The following NOSTRIN variants were observed in gnomAD, a reference collection of about 807,000 sequenced individuals.
NOSTRIN encodes the protein BM247 homolog.
A neutral mutation model predicts 59.0 loss-of-function variants in NOSTRIN; 63 were observed. The ratio of observed to expected loss-of-function variants is 1.07; its 90% CI spans 0.87 to 1.32. The LOEUF is 1.32. Ranked by LOEUF, NOSTRIN falls within the 40% of genes most tolerant of loss-of-function variation. NOSTRIN has a pLI of 0.00. For synonymous variants in NOSTRIN, 200 were observed against 165.4 expected, an observed-to-expected ratio of 1.21 and a Z score of -1.61; for missense variants, 512 against 473.1, an observed-to-expected ratio of 1.08 and a Z score of -0.76.
At chr2:168,792,113 T>G (rs1355394785) in intron 2 of NOSTRIN, among the ~76,000 whole-genome samples, 1 of 152,190 alleles carries the variant, frequency 6.6e-6, no homozygotes, top group Non-Finnish European at 1.5e-5. Flanking sequence ...TTTTATGGTT[T>G]TAGGTCTAAC....
chr2:168,862,803 T>A (rs1574346826), intron 15 of NOSTRIN, among the ~76,000 whole-genome samples: 1 of 152,290 alleles, frequency 6.6e-6, no homozygotes, highest in East Asian at 1.9e-4. Flanking sequence ...TTAGCGCTAA[T>A]GCAGAGATCT....
intron 3 of NOSTRIN, 60 bp from the exon 4 acceptor site, chr2:168,828,097 CA>C: frequency 2.3e-6 from 2 of 861,862 alleles, no homozygotes; most frequent in Non-Finnish European, 2.0e-6. Context: ...TTCTAGCCAG[CA>C]CATCCTATTT....
At position 168,819,184 on chromosome 2, in the gene NOSTRIN, CT is replaced by C. The variant is rs538269980; in HGVS notation, c.114-5445del. Reference sequence around the variant, plus strand: ...CTCTCTACTCCCCTTGCATGTGGTACTTTTTCAGCTTGAACCGAGATAAAGC... The same window carrying C: ...CTCTCTACTCCCCTTGCATGTGGTACTTTTCAGCTTGAACCGAGATAAAGC... On this transcript the variant is annotated intron_variant, in intron 2 of 15. Coordinates refer to ENST00000317647, the MANE Select transcript of NOSTRIN (RefSeq NM_001039724.4). 5.4e-3 allele frequency among the ~76,000 whole-genome samples: 825 copies of C among 152,196 alleles called. 3 individuals carry two copies. Among genetic ancestry groups the C allele is most frequent in the Non-Finnish European group, 9.1e-3 (621 of 68,008 alleles).
At chr2:168,856,626 G>T in intron 11 of NOSTRIN, 64 bp from the exon 12 acceptor site, 1 of 1,444,056 alleles carries the variant, frequency 6.9e-7, no homozygotes, top group South Asian at 1.1e-5. Flanking sequence ...GAGAGCGACC[G>T]ACTCCTGGCT....
chr2:168,802,623 G>A (rs1242520227), upstream of NOSTRIN: 4 of 867,384 alleles, frequency 4.6e-6, 1 homozygote, highest in Non-Finnish European at 6.0e-6. Flanking sequence ...TAGGTGAAAG[G>A]ACAAAAGCCA....
intron 7 of NOSTRIN, 131 bp from the exon 8 acceptor site, chr2:168,842,861 T>C: frequency 1.5e-6 from 1 of 667,424 alleles, no homozygotes; most frequent in East Asian, 2.6e-5. Flanking sequence ...TTGTCAACTA[T>C]AGTCACTGTT....
chr2:168,849,708 T>A (rs1449782789), intron 8 of NOSTRIN, among the ~76,000 whole-genome samples: 1 of 149,192 alleles, frequency 6.7e-6, no homozygotes, highest in Non-Finnish European at 1.5e-5. Context: ...GAATTTTGTC[T>A]TGGACACCTG....
At chr2:168,837,588 C>A (rs1336173541) in intron 7 of NOSTRIN, among the ~76,000 whole-genome samples, 3 of 152,060 alleles carry the variant, frequency 2.0e-5, no homozygotes, top group Non-Finnish European at 4.4e-5. Flanking sequence ...GGATTACAGG[C>A]GTGAGCCACC....
In NOSTRIN at chr2:168,839,884, C is replaced by CAAA. The variant is rs58341006; in HGVS notation, c.505-3093_505-3091dup. Among the ~76,000 whole-genome samples the CAAA allele has an allele frequency of 8.3e-3, 257 of 31,130 alleles. 2 individuals are homozygous for CAAA. Among genetic ancestry groups the CAAA allele is most frequent in the Non-Finnish European group, 0.01 (214 of 21,384 alleles). The allele number at this position is 31,130 out of a possible 152,430, so 20.4% of individuals were successfully genotyped here. ...CTGGCCGACCAGAGAGACTCCGTCT[C>CAAA]AAAAAAAAAAAAAAAAATATATATA... On this transcript the variant is annotated intron_variant, in intron 7 of 15. Coordinates refer to ENST00000317647, the MANE Select transcript of NOSTRIN (RefSeq NM_001039724.4).
At chr2:168,802,182 G>C (rs546386976), upstream of NOSTRIN, among the ~76,000 whole-genome samples, 1 of 152,216 alleles carries the variant, frequency 6.6e-6, no homozygotes, top group East Asian at 1.9e-4. Context: ...CTAGGAATTA[G>C]CTAACCCTCA....
intron 2 of NOSTRIN, among the ~76,000 whole-genome samples, chr2:168,791,933 T>G (rs914514155): frequency 3.3e-5 from 5 of 152,194 alleles, no homozygotes; most frequent in African/African-American, 1.2e-4. Context: ...TTGTGTAGGT[T>G]GCCTGTTCAC....
chr2:168,857,248 C>T (rs533258530), intron 12 of NOSTRIN, among the ~76,000 whole-genome samples: 11 of 152,302 alleles, frequency 7.2e-5, no homozygotes, highest in South Asian at 4.1e-4. Context: ...AATACCAGCA[C>T]AATGCTCACA....
At chr2:168,796,199 C>G (rs1004199123), upstream of NOSTRIN, among the ~76,000 whole-genome samples, 3 of 152,256 alleles carry the variant, frequency 2.0e-5, no homozygotes, top group Non-Finnish European at 4.4e-5. Flanking sequence ...GGGAACGCTG[C>G]TGCTCCTGTC....
chr2:168,809,307 G>T (rs1187525288), intron 1 of NOSTRIN, among the ~76,000 whole-genome samples: 1 of 152,120 alleles, frequency 6.6e-6, no homozygotes, highest in Non-Finnish European at 1.5e-5. Flanking sequence ...CCAGAAGGAA[G>T]AAAAGAGGGC....
chr2:168,797,079 C>CTTTTTTTTTTTTT (rs775176252), upstream of NOSTRIN, among the ~76,000 whole-genome samples: 44 of 75,040 alleles, frequency 5.9e-4, 1 homozygote, highest in African/African-American at 8.5e-4. Context: ...TTTCTTTTTT[C>CTTTTTTTTTTTTT]TTTTTTTTTT....
chr2:168,792,815 G>T (rs1005350560), intron 2 of NOSTRIN, among the ~76,000 whole-genome samples: 1 of 152,064 alleles, frequency 6.6e-6, no homozygotes, highest in South Asian at 2.1e-4. Flanking sequence ...AAAATAAAGT[G>T]ATCCCAATAA....
chr2:168,802,608 G>A (rs371030787), upstream of NOSTRIN: 107 of 864,232 alleles, frequency 1.2e-4, no homozygotes, highest in African/African-American at 1.5e-3. Context: ...CAGAATGCTG[G>A]AGCGTAGGTG....
intron 2 of NOSTRIN, among the ~76,000 whole-genome samples, chr2:168,824,147 T>G (rs997208046): frequency 2.6e-5 from 4 of 152,196 alleles, no homozygotes; most frequent in Admixed American, 2.6e-4. Flanking sequence ...CCTTCAGGAT[T>G]ATGCTTAAGG....
intron 1 of NOSTRIN, among the ~76,000 whole-genome samples, chr2:168,808,988 T>C: frequency 6.6e-6 from 1 of 152,230 alleles, no homozygotes. Context: ...ATAATGTGTA[T>C]TATTATTTTC....
Sources: gnomAD v4.1 joint callset for allele counts (sites outside exome capture counted in the v4.1 genomes callset) on GRCh38, gnomAD v4.1.1 for gene constraint, MANE v1.5 for transcripts, NCBI Gene and HGNC (gene_info 2026-07-23, HGNC 2026-07-21) for gene names.